FANCI: variants seen among roughly 807,000 people sequenced by gnomAD.
FANCI encodes the protein Fanconi anemia group I protein.
Under a neutral mutation model 176.1 loss-of-function variants are expected in FANCI, and 156 were observed. That is an observed-to-expected ratio of 0.89 (90% CI 0.78 to 1.01). The LOEUF is 1.01. Among genes scored for constraint, FANCI ranks in the 50% least tolerant of loss-of-function variants. FANCI has a pLI of 0.00. For missense variants in FANCI, 1,678 were observed against 1,534.1 expected (o/e 1.09, Z -1.57); for synonymous variants, 613 against 541.7 (o/e 1.13, Z -1.83).
At chr15:89,280,903 T>G (rs1161647116) in intron 14 of FANCI, among the ~76,000 whole-genome samples, 1 of 152,214 alleles carries the variant, frequency 6.6e-6, no homozygotes, top group Non-Finnish European at 1.5e-5. Context: ...TGCTACTACT[T>G]ATGTCTAGGC....
chr15:89,316,225 G>T, intron 37 of FANCI, 172 bp from the exon 38 acceptor site: 1 of 685,476 alleles, frequency 1.5e-6, no homozygotes, highest in Non-Finnish European at 2.6e-6. Context: ...CACTTTGGAG[G>T]ACTCCTTCCT....
intron 37 of FANCI, 58 bp downstream of exon 37, chr15:89,315,447 T>C (rs1020984033): frequency 1.2e-5 from 15 of 1,215,226 alleles, no homozygotes; most frequent in Non-Finnish European, 1.3e-5. Context: ...TAGCAGCCTA[T>C]CTGGGAGCAG....
intron 2 of FANCI, among the ~76,000 whole-genome samples, chr15:89,254,789 G>T (rs2052423199): frequency 1.3e-5 from 2 of 152,188 alleles, no homozygotes; most frequent in South Asian, 4.1e-4. Context: ...TCCAGCCAGG[G>T]TGACAAAGAA....
At chr15:89,308,184 C>G in intron 34 of FANCI, 7 of 1,034,750 alleles carry the variant, frequency 6.8e-6, no homozygotes, top group Non-Finnish European at 8.1e-6. Flanking sequence ...AACCTCACCA[C>G]TATTGACATG....
intron 2 of FANCI, among the ~76,000 whole-genome samples, chr15:89,256,102 T>C (rs1306580802): frequency 1.3e-5 from 2 of 152,224 alleles, no homozygotes; most frequent in African/African-American, 4.8e-5. Context: ...CTGCTTTCTG[T>C]TGAAACTGAA....
intron 8 of FANCI, among the ~76,000 whole-genome samples, chr15:89,264,315 A>G (rs950807272): frequency 1.3e-5 from 2 of 152,342 alleles, no homozygotes; most frequent in Non-Finnish European, 1.5e-5. Context: ...AGGGTAGACT[A>G]TAGGCCCCAT....
rs1352381112 is a variant in FANCI, at chr15:89,258,984, G to A, written c.157+208G>A. 2.4e-5 allele frequency: 13 copies of A among 545,126 alleles called. No homozygotes were observed. In the East Asian group the frequency reaches 3.2e-4, roughly 13 times the overall value. The allele number at this position is 545,126 out of a possible 1,614,324, so 33.8% of individuals were successfully genotyped here. A position where few individuals can be genotyped will look rare whatever the true frequency, so the allele number is the denominator to read the frequency against. Reference sequence around the variant, plus strand: ...GTTTGAAGTGGCTACCTGAGATTGCGTTGCTGATTTGGGGGCCTATAATTA... The same window carrying A: ...GTTTGAAGTGGCTACCTGAGATTGCATTGCTGATTTGGGGGCCTATAATTA... On this transcript the variant is annotated intron_variant, in intron 3 of 37. Coordinates refer to ENST00000310775, the MANE Select transcript of FANCI (RefSeq NM_001113378.2).
chr15:89,264,356 T>G (rs1419980532), intron 8 of FANCI, among the ~76,000 whole-genome samples, 166 bp from the exon 9 acceptor site: 1 of 152,244 alleles, frequency 6.6e-6, no homozygotes, highest in African/African-American at 2.4e-5. Flanking sequence ...ATTTCAAATC[T>G]TGTTTCAACA....
At position 89,260,727 on chromosome 15, in the gene FANCI, G is replaced by C. The variant is rs750960530; in HGVS notation, c.172G>C (p.Glu58Gln). The C allele has an allele frequency of 5.6e-6, 9 of 1,613,860 alleles. No homozygotes were observed. Among genetic ancestry groups the C allele is most frequent in the Non-Finnish European group, 7.6e-6 (9 of 1,179,860 alleles). Residue 58 changes from glutamate (E) to glutamine (Q), a missense_variant, in exon 4 of 38, where the codon GAG becomes CAG. By Grantham distance (29) the Glu-to-Gln change is conservative. This residue lies in a region of FANCI where 469 missense variants were observed against 436.9 expected (regional missense o/e 1.07). Transcript: ENST00000310775. ...RAIFKGSPCS[E>Q]EAGTLRRRKI... ...AAAACAATAAGGTTCCCCCTGCTCT[G>C]AGGAAGCTGGAACACTTAGGAGACG...
At chr15:89,246,016 A>G (rs983797115) in intron 1 of FANCI, among the ~76,000 whole-genome samples, 1 of 152,180 alleles carries the variant, frequency 6.6e-6, no homozygotes, top group African/African-American at 2.4e-5. Flanking sequence ...AGGACTTGGT[A>G]ATGGATGTGG....
chr15:89,297,223 C>T (rs1229802832), intron 24 of FANCI, among the ~76,000 whole-genome samples: 1 of 151,794 alleles, frequency 6.6e-6, no homozygotes, highest in African/African-American at 2.4e-5. Context: ...AGGCGCTCCC[C>T]ACATCTCAGG....
chr15:89,277,686 A>AT (rs1186824552), intron 13 of FANCI, among the ~76,000 whole-genome samples: 3 of 151,894 alleles, frequency 2.0e-5, no homozygotes, highest in African/African-American at 7.3e-5. Flanking sequence ...GGAAATGTAC[A>AT]TTTTTTTGAC....
chr15:89,315,253 G>C (rs75035409), intron 36 of FANCI, 29 bp from the exon 37 acceptor site: 2 of 1,525,086 alleles, frequency 1.3e-6, no homozygotes, highest in East Asian at 4.5e-5. Context: ...TGAGTAGGGA[G>C]ATGTCCCATG....
chr15:89,248,755 C>T (rs945895862), intron 2 of FANCI, among the ~76,000 whole-genome samples: 1 of 152,120 alleles, frequency 6.6e-6, no homozygotes, highest in Admixed American at 6.6e-5. Flanking sequence ...ATATTTCCCT[C>T]ATTTTTCCAT....
chr15:89,279,419 A>G (rs1445926496), intron 14 of FANCI, among the ~76,000 whole-genome samples: 1 of 152,130 alleles, frequency 6.6e-6, no homozygotes, highest in Non-Finnish European at 1.5e-5. Flanking sequence ...TAGCTTCCCA[A>G]AGTGCTGGGA....
In FANCI at chr15:89,295,743, C is replaced by CCCT. The variant is rs778881922; in HGVS notation, c.2636+649_2636+650insCCT. Among the ~76,000 whole-genome samples, 37 of 127,442 alleles carry CCCT rather than the reference C, an allele frequency of 2.9e-4. 2 individuals are homozygous for CCCT. The highest frequency in any genetic ancestry group is 3.7e-3 in the Middle Eastern group (1 of 268). 83.6% of individuals were successfully genotyped at this position (127,442 alleles called of 152,430 possible). On this transcript the variant is annotated intron_variant, in intron 24 of 37. Transcript: ENST00000310775. ...TGCCTTCCCCTGGCGCCCCCCCCACCTTTTTTTTTTTGTTGTTGTTGTTGT... is the reference window on the plus strand; with the variant it reads ...TGCCTTCCCCTGGCGCCCCCCCCACCCCTTTTTTTTTTTTGTTGTTGTTGTTGT...
chr15:89,256,747 G>A (rs915222444), intron 2 of FANCI, among the ~76,000 whole-genome samples: 1 of 152,102 alleles, frequency 6.6e-6, no homozygotes, highest in Non-Finnish European at 1.5e-5. Context: ...CAGCAGACCC[G>A]AATCATAAAC....
At chr15:89,255,904 T>C (rs184330292) in intron 2 of FANCI, among the ~76,000 whole-genome samples, 1 of 152,338 alleles carries the variant, frequency 6.6e-6, no homozygotes, top group East Asian at 1.9e-4. Flanking sequence ...ATTCGTTGAG[T>C]ACTTGTCGTG....
At chr15:89,299,690 G>A in intron 24 of FANCI, 110 bp from the exon 25 acceptor site, 2 of 1,123,982 alleles carry the variant, frequency 1.8e-6, no homozygotes, top group Non-Finnish European at 2.6e-6. Context: ...AACCATGTAA[G>A]TTTTTTTAAA....
Sources: gnomAD v4.1 joint callset for allele counts (sites outside exome capture counted in the v4.1 genomes callset) on GRCh38, gnomAD v4.1.1 for gene constraint, gnomAD v4.1.1 regional missense constraint, MANE v1.5 for transcripts, NCBI Gene and HGNC (gene_info 2026-07-23, HGNC 2026-07-21) for gene names.